Variants in PYY observed in about 807,000 individuals in gnomAD.
PYY encodes the protein peptide YY, also known as peptide tyrosine tyrosine.
Under a neutral mutation model 10.3 loss-of-function variants are expected in PYY, and 12 were observed. The observed-to-expected ratio is 1.17, with a 90% CI of 0.75 to 1.89. The LOEUF is 1.89. Ranked by LOEUF, PYY falls within the 40% of genes most tolerant of loss-of-function variation. The pLI, the probability that PYY is intolerant of heterozygous loss-of-function variation, is 0.00. For synonymous variants in PYY, 66 were observed against 62.0 expected (o/e 1.06, Z -0.30); for missense variants, 141 against 134.0 (o/e 1.05, Z -0.26).
chr17:43,953,216 G>T, intron 2 of PYY, 27 bp from the exon 3 acceptor site: 16 of 1,612,856 alleles, frequency 9.9e-6, no homozygotes, highest in Non-Finnish European at 1.4e-5. Flanking sequence ...GAAGAGCGTG[G>T]TCAGATCTGG....
intron 2 of PYY, among the ~76,000 whole-genome samples, chr17:43,963,570 A>G (rs1283962196): frequency 1.9e-5 from 2 of 104,648 alleles, no homozygotes; most frequent in South Asian, 3.8e-4. Context: ...GGAAGGAAGG[A>G]AAAGAAAGAA....
At chr17:43,955,671 A>G (rs2048666887), upstream of PYY, among the ~76,000 whole-genome samples, 1 of 152,148 alleles carries the variant, frequency 6.6e-6, no homozygotes, top group South Asian at 2.1e-4. Flanking sequence ...CCAGTCTCAA[A>G]GGAGAGATAT....
intron 1 of PYY, among the ~76,000 whole-genome samples, chr17:43,974,762 A>G (rs1472764752): frequency 6.6e-6 from 1 of 152,154 alleles, no homozygotes; most frequent in African/African-American, 2.4e-5. Context: ...AAATGTTCAG[A>G]GTTACAGCAA....
chr17:43,957,615 C>G (rs995559069), upstream of PYY, among the ~76,000 whole-genome samples: 4 of 150,496 alleles, frequency 2.7e-5, no homozygotes, highest in African/African-American at 9.8e-5. Flanking sequence ...CGAGATGGTG[C>G]CACTGCACTC....
intron 1 of PYY, among the ~76,000 whole-genome samples, chr17:43,984,612 G>A (rs1211519507): frequency 6.6e-6 from 1 of 152,138 alleles, no homozygotes; most frequent in Non-Finnish European, 1.5e-5. Flanking sequence ...TTTGAAACTG[G>A]GTCTGTCTGA....
intron 1 of PYY, among the ~76,000 whole-genome samples, chr17:43,976,138 T>C (rs2048834196): frequency 8.0e-6 from 1 of 124,312 alleles, no homozygotes; most frequent in Non-Finnish European, 1.7e-5. Context: ...TGTATACATA[T>C]ATGTATATAT....
intron 1 of PYY, among the ~76,000 whole-genome samples, chr17:43,983,746 T>C (rs2048897741): frequency 1.3e-5 from 2 of 152,202 alleles, no homozygotes; most frequent in Non-Finnish European, 2.9e-5. Flanking sequence ...TGTAGGCTCG[T>C]GCCCTTGACA....
rs1322607825 is a variant in PYY at position 43,953,301 on chromosome 17, C to T, written c.183G>A (p.Arg61=). 1.9e-6 allele frequency: 3 copies of T among 1,612,152 alleles called. No homozygotes were observed. The highest frequency in any genetic ancestry group is 1.7e-4 in the Middle Eastern group (1 of 6,032). The change falls in exon 2 of 4, where the codon CGG becomes CGA. Residue 61 remains arginine (R), a synonymous_variant. Transcript: ENST00000692052. The part of the protein sequence containing the change: ...SLRHYLNLVT[R]QRYGKRDGPD... ...CGCTCCGCGCCTGCGCTCACCGCTG[C>T]CGGGTGACCAGGTTGAGGTAGTGGC... is the stretch of plus-strand genomic sequence containing the variant.
chr17:43,993,722 G>C (rs1331343589), intron 1 of PYY, among the ~76,000 whole-genome samples: 1 of 152,046 alleles, frequency 6.6e-6, no homozygotes, highest in Non-Finnish European at 1.5e-5. Context: ...AGTGTAAAAA[G>C]AGCTTGAAAA....
chr17:43,976,491 G>A (rs1036333196), intron 1 of PYY, among the ~76,000 whole-genome samples: 4 of 151,512 alleles, frequency 2.6e-5, no homozygotes, highest in East Asian at 1.9e-4. Flanking sequence ...ATATATGCCA[G>A]CCACGTGTGG....
At chr17:43,964,124 G>A (rs557857292) in intron 2 of PYY, among the ~76,000 whole-genome samples, 3 of 152,314 alleles carry the variant, frequency 2.0e-5, no homozygotes, top group Admixed American at 6.5e-5. Context: ...GGTGCAATCA[G>A]CCTCCTGAGC....
chr17:44,002,411 G>A (rs145511024), intron 1 of PYY, among the ~76,000 whole-genome samples: 42 of 152,296 alleles, frequency 2.8e-4, no homozygotes, highest in African/African-American at 1.0e-3. Context: ...AACTGAGGGT[G>A]CTTAGGGTCT....
rs201612460 is a variant in PYY at position 43,963,547 on chromosome 17, GGGAA to G, written c.-218+2737_-218+2740del. ...AGAAAGAAAGAAGGAAGAGAAGGAA[GGGAA>G]GGAAGGAAGGAAGGAAGGAAAAGAA... On this transcript the variant is annotated intron_variant, in intron 2 of 6. Coordinates refer to the PYY transcript ENST00000360085. Among the ~76,000 whole-genome samples, 464 of 114,042 alleles carry G rather than the reference GGGAA, an allele frequency of 4.1e-3. 3 individuals carry two copies. Among genetic ancestry groups the G allele is most frequent in the African/African-American group, 0.014 (399 of 28,728 alleles). 74.8% of individuals were successfully genotyped at this position (114,042 alleles called of 152,430 possible).
At position 43,953,434 on chromosome 17, in the gene PYY, G is replaced by T; in HGVS notation, c.50C>A (p.Ala17Asp). The T allele has an allele frequency of 1.2e-6, 2 of 1,612,400 alleles. No individual in the cohort carries two copies. Among genetic ancestry groups the T allele is most frequent in the African/African-American group, 1.3e-5 (1 of 74,978 alleles). Residue 17 changes from alanine to aspartate, a missense_variant, in exon 2 of 4, where the codon GCC becomes GAC. Physicochemically the swap from Ala to Asp is moderately radical, Grantham distance 126. Transcript: ENST00000692052. ...PWPALTTVLLALLVCLGALVD... is the reference protein window; with the variant it reads ...PWPALTTVLLDLLVCLGALVD... ...CAGCGCCCCTAGGCAGACGAGCAGG[G>T]CCAGAAGCACTGTGGTCAAGGCGGG...
Position 43,965,345 on chromosome 17 carries a change from G to T in PYY, c.-218+943C>A, listed in dbSNP as rs1360083719. 2.6e-5 allele frequency among the ~76,000 whole-genome samples: 4 copies of T among 151,456 alleles called. No individual in the cohort carries two copies. The Admixed American group carries it at 2.6e-4, about 10-fold the overall frequency. On this transcript the variant is annotated intron_variant, in intron 2 of 6. Coordinates refer to the PYY transcript ENST00000360085. Reference sequence around the variant, plus strand: ...AAAATACAAAAATTAGCTGAGCATGGTGGCAGGTGCCTATAATCCCAGCTA... The same window carrying T: ...AAAATACAAAAATTAGCTGAGCATGTTGGCAGGTGCCTATAATCCCAGCTA...
At chr17:43,973,164 T>A (rs1478286771) in intron 1 of PYY, among the ~76,000 whole-genome samples, 1 of 152,128 alleles carries the variant, frequency 6.6e-6, no homozygotes, top group Non-Finnish European at 1.5e-5. Context: ...AAAAAAAAGT[T>A]ATTTCTAAAG....
intron 1 of PYY, among the ~76,000 whole-genome samples, chr17:43,980,156 C>CTTTTTTTTTT (rs569138857): frequency 2.0e-5 from 2 of 100,616 alleles, no homozygotes; most frequent in African/African-American, 3.7e-5. Context: ...TCCCCTCCAC[C>CTTTTTTTTTT]TTTTTTTTTT....
chr17:43,962,634 G>A (rs2048720488), intron 2 of PYY, among the ~76,000 whole-genome samples: 1 of 152,174 alleles, frequency 6.6e-6, no homozygotes. Context: ...GAAGTGCCTG[G>A]GGCTTCCCCA....
Position 43,988,371 on chromosome 17 carries a change from C to T in PYY, c.-463+16020G>A, listed in dbSNP as rs527927735. The stretch of plus-strand genomic sequence containing the variant: ...AAAAAGAAAGGTCAACAGCCTTGCC[C>T]GCACAAGCGTTAAATGGTGTGCATG... On this transcript the variant is annotated intron_variant, in intron 1 of 6. Transcript: ENST00000360085. Among the ~76,000 whole-genome samples the T allele has an allele frequency of 7.9e-4, 120 of 152,198 alleles. 1 individual carries two copies. The highest frequency in any genetic ancestry group is 9.4e-4 in the Non-Finnish European group (64 of 68,038).
Sources: allele counts gnomAD v4.1 joint callset (sites outside exome capture counted in the v4.1 genomes callset), GRCh38; gene constraint gnomAD v4.1.1; transcripts MANE v1.5; gene names NCBI Gene and HGNC (gene_info 2026-07-23, HGNC 2026-07-21).